Variants in PDPR observed in about 807,000 individuals in gnomAD.
PDPR encodes the protein pyruvate dehydrogenase phosphatase regulatory subunit.
PDPR carries 50 observed loss-of-function variants against 102.2 expected under a neutral mutation model. That is an observed-to-expected ratio of 0.49 (90% CI 0.39 to 0.62). The LOEUF (loss-of-function observed/expected upper bound fraction) is 0.62. PDPR is among the 20% of genes least tolerant of loss of function. The pLI, the probability that PDPR is intolerant of heterozygous loss-of-function variation, is 0.00. For missense variants in PDPR, 625 were observed against 1,098.2 expected (o/e 0.57, Z 6.09); for synonymous variants, 259 against 406.0 (o/e 0.64, Z 4.35).
chr16:70,118,085 T>A (rs1962834899), intron 2 of PDPR, among the ~76,000 whole-genome samples: 1 of 137,558 alleles, frequency 7.3e-6, no homozygotes, highest in Non-Finnish European at 1.6e-5. Flanking sequence ...AGAGTGAGAC[T>A]CTGTCTCAAA....
chr16:70,130,138 C>A (rs1964389122), intron 6 of PDPR, among the ~76,000 whole-genome samples: 1 of 152,210 alleles, frequency 6.6e-6, no homozygotes, highest in Admixed American at 6.6e-5. Context: ...ATTAAAAATA[C>A]TAAAATTAGC....
intron 13 of PDPR, among the ~76,000 whole-genome samples, chr16:70,143,187 CAAAAA>C (rs375737516): frequency 5.6e-5 from 8 of 143,176 alleles, no homozygotes; most frequent in Non-Finnish European, 6.1e-5. Context: ...GACTCCATCT[CAAAAA>C]AAAAAACAAA....
chr16:70,114,246 A>T (rs1335689663), upstream of PDPR: 1 of 151,382 alleles, frequency 6.6e-6, no homozygotes, highest in Non-Finnish European at 1.5e-5. Flanking sequence ...CGCCGGCAGT[A>T]CCCTTGCCCG....
Position 70,156,572 on chromosome 16 carries a change from A to G in PDPR, c.2333A>G (p.Asp778Gly). ...TTCATCCTGGACGACCATGATTCAG[A>G]CCTAGACCTTTGGCCTTGGTGGGGA... Reference protein sequence around the residue: ...TMFILDDHDSDLDLWPWWGEP... With the variant: ...TMFILDDHDSGLDLWPWWGEP... Residue 778 changes from aspartate to glycine, a missense_variant, in exon 19 of 19, where the codon GAC becomes GGC. By Grantham distance (94) the Asp-to-Gly change is moderately conservative. This residue lies in a region of PDPR where 303 missense variants were observed against 258.9 expected (regional missense o/e 1.17). Coordinates refer to ENST00000288050, the MANE Select transcript of PDPR (RefSeq NM_017990.5). 1 of 1,614,084 alleles carries G rather than the reference A, an allele frequency of 6.2e-7. No individual in the cohort carries two copies. Among genetic ancestry groups the G allele is most frequent in the Non-Finnish European group, 8.5e-7 (1 of 1,179,908 alleles).
At chr16:70,139,143 T>C (rs1237904193) in intron 11 of PDPR, 120 bp downstream of exon 11, 2 of 1,500,110 alleles carry the variant, frequency 1.3e-6, no homozygotes, top group Non-Finnish European at 1.8e-6. Context: ...AGTTGGGCAT[T>C]TGATTTGACT....
chr16:70,153,697 C>T lies in PDPR; in HGVS notation c.2235+124C>T, dbSNP rs1464038317. 6.6e-6 allele frequency: 7 copies of T among 1,065,334 alleles called. No homozygotes were observed. In the South Asian group the frequency reaches 9.0e-5, roughly 14 times the overall value. 66.0% of individuals were successfully genotyped at this position (1,065,334 alleles called of 1,614,324 possible). A position where few individuals can be genotyped will look rare whatever the true frequency, so the allele number is the denominator to read the frequency against. On this transcript the variant is annotated intron_variant, in intron 18 of 18. Coordinates refer to ENST00000288050, the MANE Select transcript of PDPR (RefSeq NM_017990.5). ...AAGATTGAGGCCTTGATGTTAGCAT[C>T]AGGTAAATGAGGACAAGAGTGCCCT...
chr16:70,129,024 A>G lies in PDPR; in HGVS notation c.509A>G (p.Asn170Ser). 1 of 1,613,840 alleles carries G rather than the reference A, an allele frequency of 6.2e-7. No homozygotes were observed. Reference protein sequence around the residue: ...KKVAELHHLLNVHDLVGAMHV... With the variant: ...KKVAELHHLLSVHDLVGAMHV... Reference sequence around the variant, plus strand: ...GTGGCCGAGCTTCACCATCTCCTCAACGTGCACGACCTGGTGGGGGCCATG... The same window carrying G: ...GTGGCCGAGCTTCACCATCTCCTCAGCGTGCACGACCTGGTGGGGGCCATG... Residue 170 changes from asparagine (N) to serine (S), a missense_variant, in exon 6 of 19, where the codon AAC becomes AGC. This residue lies in a region of PDPR where 5 missense variants were observed against 92.5 expected (regional missense o/e 0.05). Coordinates refer to ENST00000288050, the MANE Select transcript of PDPR (RefSeq NM_017990.5).
At chr16:70,126,834 C>A (rs1964026928) in intron 3 of PDPR, among the ~76,000 whole-genome samples, 1 of 152,200 alleles carries the variant, frequency 6.6e-6, no homozygotes, top group African/African-American at 2.4e-5. Context: ...CCTAAACTAT[C>A]CAGAATTTTA....
intron 3 of PDPR, among the ~76,000 whole-genome samples, chr16:70,126,193 A>G (rs1963945205): frequency 6.6e-6 from 1 of 152,168 alleles, no homozygotes; most frequent in South Asian, 2.1e-4. Flanking sequence ...ATAATATTCC[A>G]TTGTATAGAT....
rs745357843 is a variant in PDPR, at chr16:70,146,247, C to G, written c.1962+19C>G. The G allele has an allele frequency of 6.2e-7, 1 of 1,613,710 alleles. No homozygotes were observed. The highest frequency in any genetic ancestry group is 2.2e-5 in the East Asian group (1 of 44,874). Reference sequence around the variant, plus strand: ...TTGCAAGGTAAGTGCTGATAAAGTTCTGTTTCTTAAATGGGCAGAGAATGT... The same window carrying G: ...TTGCAAGGTAAGTGCTGATAAAGTTGTGTTTCTTAAATGGGCAGAGAATGT... On this transcript the variant is annotated intron_variant, in intron 16 of 18. Coordinates refer to ENST00000288050, the MANE Select transcript of PDPR (RefSeq NM_017990.5).
intron 14 of PDPR, 56 bp from the exon 15 acceptor site, chr16:70,144,365 T>C (rs1195955702): frequency 8.2e-4 from 395 of 484,468 alleles, no homozygotes; most frequent in African/African-American, 8.0e-3. Flanking sequence ...ATTTGATTGC[T>C]TCCTGATCCT....
rs138249449 is a variant in PDPR, at chr16:70,135,834, G to A, written c.998-360G>A. Among the ~76,000 whole-genome samples, 15 of 152,340 alleles carry A rather than the reference G, an allele frequency of 9.8e-5. 1 individual carries two copies. In the East Asian group the frequency reaches 1.5e-3, roughly 16 times the overall value. ...TATAATCCTAGCACTTTGGGAGGCC[G>A]AGGCAGGCAGATCACTTGAGGTCAA... On this transcript the variant is annotated intron_variant, in intron 9 of 18. Transcript: ENST00000288050.
At chr16:70,123,672 G>C (rs569569584) in intron 3 of PDPR, among the ~76,000 whole-genome samples, 43 of 152,372 alleles carry the variant, frequency 2.8e-4, no homozygotes, top group African/African-American at 1.0e-3. Flanking sequence ...CCCTAGGGAG[G>C]TTCATTTTTG....
chr16:70,126,781 C>T (rs1171085671), intron 3 of PDPR, among the ~76,000 whole-genome samples: 3 of 152,272 alleles, frequency 2.0e-5, no homozygotes, highest in Admixed American at 6.5e-5. Flanking sequence ...CTACCTCAGC[C>T]TGTCAAAGTG....
chr16:70,126,629 C>G (rs1419845422), intron 3 of PDPR, among the ~76,000 whole-genome samples: 35 of 152,252 alleles, frequency 2.3e-4, no homozygotes, highest in East Asian at 1.9e-4. Flanking sequence ...TCCCAAAGTG[C>G]TGGGATTACA....
At chr16:70,124,774 T>A (rs1963749038) in intron 3 of PDPR, among the ~76,000 whole-genome samples, 2 of 152,210 alleles carry the variant, frequency 1.3e-5, no homozygotes, top group Non-Finnish European at 2.9e-5. Context: ...TAGAAAAATC[T>A]CTTTAGGGAG....
chr16:70,143,161 C>G (rs569660009), intron 13 of PDPR, among the ~76,000 whole-genome samples: 450 of 152,002 alleles, frequency 3.0e-3, no homozygotes, highest in South Asian at 8.1e-3. Flanking sequence ...TGCACTCAGC[C>G]TGGGCAACAG....
At position 70,120,606 on chromosome 16, in the gene PDPR, C is replaced by T. The variant is rs761935756; in HGVS notation, c.114C>T (p.Ala38=). ...STSAAEARSM[A]LPTQAQVVIC... ...CAGCTGCCGAGGCGCGTTCCATGGC[C>T]CTGCCCACCCAGGCACAGGTGGTCA... is the stretch of plus-strand genomic sequence containing the variant. The change falls in exon 3 of 19, where the codon GCC becomes GCT. Residue 38 remains alanine, a synonymous_variant. Coordinates refer to ENST00000288050, the MANE Select transcript of PDPR (RefSeq NM_017990.5). 1 of 1,613,854 alleles carries T rather than the reference C, an allele frequency of 6.2e-7. No individual in the cohort carries two copies. The highest frequency in any genetic ancestry group is 1.1e-5 in the South Asian group (1 of 91,088).
At chr16:70,119,926 T>G (rs74925941) in intron 2 of PDPR, among the ~76,000 whole-genome samples, 45,784 of 138,758 alleles carry the variant, frequency 0.33, 8,521 homozygotes, top group Non-Finnish European at 0.39. Context: ...GTTTGTTTGT[T>G]TTTTTTTTGA....
Sources: allele counts gnomAD v4.1 joint callset (sites outside exome capture counted in the v4.1 genomes callset), GRCh38; gene constraint gnomAD v4.1.1; regional missense constraint gnomAD v4.1.1; transcripts MANE v1.5; gene names NCBI Gene and HGNC (gene_info 2026-07-23, HGNC 2026-07-21).